The following RSU1 variants were observed in gnomAD, a reference collection of about 807,000 sequenced individuals.
RSU1 encodes the protein rsu-1.
A neutral mutation model predicts 31.1 loss-of-function variants in RSU1; 26 were observed. The ratio of observed to expected loss-of-function variants is 0.84; its 90% CI spans 0.61 to 1.16. The LOEUF is 1.16. Ranked by LOEUF, RSU1 falls within the 50% of genes most tolerant of loss-of-function variation. The pLI is 0.00. For missense variants in RSU1, 320 were observed against 339.1 expected (o/e 0.94, Z 0.44); for synonymous variants, 164 against 136.3 (o/e 1.20, Z -1.41).
At chr10:16,710,654 CATTT>C (rs936747852) in intron 7 of RSU1, among the ~76,000 whole-genome samples, 1 of 151,854 alleles carries the variant, frequency 6.6e-6, no homozygotes, top group Non-Finnish European at 1.5e-5. Context: ...TTTGATGAAA[CATTT>C]TTTTTAAATT....
chr10:16,785,449 T>TATATAC (rs1564357294), intron 2 of RSU1, among the ~76,000 whole-genome samples: 1 of 139,458 alleles, frequency 7.2e-6, no homozygotes, highest in East Asian at 2.1e-4. Flanking sequence ...TACACATATA[T>TATATAC]ACATATATAC....
At chr10:16,772,641 G>GAAAAAAAAAAAA (rs60460081) in intron 3 of RSU1, among the ~76,000 whole-genome samples, 44 of 64,660 alleles carry the variant, frequency 6.8e-4, no homozygotes, top group African/African-American at 9.4e-4. Context: ...AGTAGAATAT[G>GAAAAAAAAAAAA]AAAAAAAAAA....
At chr10:16,640,198 T>C (rs568434509) in intron 8 of RSU1, among the ~76,000 whole-genome samples, 4 of 152,230 alleles carry the variant, frequency 2.6e-5, no homozygotes, top group South Asian at 2.1e-4. Flanking sequence ...TCATTTAGAA[T>C]TGCATTTTTA....
chr10:16,678,315 T>C (rs760134395), intron 8 of RSU1, among the ~76,000 whole-genome samples: 2 of 152,236 alleles, frequency 1.3e-5, no homozygotes, highest in Non-Finnish European at 2.9e-5. Flanking sequence ...TAGGAAAGCC[T>C]AATGTTATCT....
At chr10:16,665,807 C>A (rs7089697) in intron 8 of RSU1, among the ~76,000 whole-genome samples, 1 of 151,964 alleles carries the variant, frequency 6.6e-6, no homozygotes, top group South Asian at 2.1e-4. Context: ...AAAATTTAGA[C>A]AAATTTCTAT....
chr10:16,679,752 C>G (rs921176423), intron 8 of RSU1, among the ~76,000 whole-genome samples: 11 of 152,180 alleles, frequency 7.2e-5, no homozygotes, highest in Admixed American at 4.6e-4. Flanking sequence ...CAGCTCAGCT[C>G]CCACGTGGCC....
chr10:16,595,906 G>T (rs756295693), intron 8 of RSU1, among the ~76,000 whole-genome samples: 1 of 151,868 alleles, frequency 6.6e-6, no homozygotes, highest in Non-Finnish European at 1.5e-5. Context: ...GAGGCAGAGG[G>T]TGCAGTGAGC....
intron 8 of RSU1, among the ~76,000 whole-genome samples, chr10:16,627,876 A>G (rs1248676080): frequency 6.6e-6 from 1 of 151,954 alleles, no homozygotes; most frequent in African/African-American, 2.4e-5. Context: ...CATTAATATT[A>G]TCAGTAGCCA....
At chr10:16,733,742 A>G (rs1360136465) in intron 7 of RSU1, among the ~76,000 whole-genome samples, 1 of 152,218 alleles carries the variant, frequency 6.6e-6, no homozygotes, top group Non-Finnish European at 1.5e-5. Flanking sequence ...CAGAAATTCT[A>G]GAGTATCTAT....
chr10:16,679,293 A>C (rs533222837), intron 8 of RSU1, among the ~76,000 whole-genome samples: 2 of 152,332 alleles, frequency 1.3e-5, no homozygotes, highest in African/African-American at 4.8e-5. Flanking sequence ...AAAAGACTTC[A>C]GTCTCTTACA....
intron 2 of RSU1, among the ~76,000 whole-genome samples, chr10:16,802,111 A>G (rs1458036223): frequency 1.3e-5 from 2 of 151,970 alleles, no homozygotes; most frequent in Non-Finnish European, 2.9e-5. Context: ...TAAAAGGGGA[A>G]ATAATAGAGA....
chr10:16,756,791 G>A (rs150493108), intron 4 of RSU1, among the ~76,000 whole-genome samples: 5 of 152,030 alleles, frequency 3.3e-5, no homozygotes, highest in Non-Finnish European at 7.4e-5. Flanking sequence ...GTTGCTCAAG[G>A]GTCAATTGTG....
intron 2 of RSU1, among the ~76,000 whole-genome samples, chr10:16,784,626 T>C (rs571976900): frequency 2.8e-4 from 43 of 152,288 alleles, no homozygotes; most frequent in South Asian, 6.2e-4. Context: ...GGACTCACAG[T>C]TCCATATGGC....
intron 2 of RSU1, among the ~76,000 whole-genome samples, chr10:16,815,293 C>T (rs1232975634): frequency 3.9e-5 from 6 of 152,216 alleles, no homozygotes; most frequent in Non-Finnish European, 4.4e-5. Context: ...ATAAAGCCTA[C>T]GAAACGCAAA....
At chr10:16,654,923 G>A (rs1834750824) in intron 8 of RSU1, among the ~76,000 whole-genome samples, 1 of 151,758 alleles carries the variant, frequency 6.6e-6, no homozygotes, top group African/African-American at 2.4e-5. Flanking sequence ...AAACAGGTGG[G>A]TGTGGTGGCA....
chr10:16,660,006 G>A (rs922764128), intron 8 of RSU1, among the ~76,000 whole-genome samples: 2 of 152,160 alleles, frequency 1.3e-5, no homozygotes, highest in Admixed American at 6.5e-5. Flanking sequence ...TATTTTGTGA[G>A]CAGAGGCCCT....
intron 8 of RSU1, among the ~76,000 whole-genome samples, chr10:16,628,100 G>C (rs1427136106): frequency 1.3e-5 from 2 of 152,134 alleles, no homozygotes; most frequent in African/African-American, 4.8e-5. Context: ...TACTTCATTA[G>C]CCTGTCTATT....
intron 7 of RSU1, among the ~76,000 whole-genome samples, chr10:16,717,051 C>T (rs937272609): frequency 2.0e-5 from 3 of 152,036 alleles, no homozygotes; most frequent in East Asian, 1.9e-4. Context: ...AAGTATGAAA[C>T]GAAATTAACT....
chr10:16,798,128 C>T (rs879678664), intron 2 of RSU1, among the ~76,000 whole-genome samples: 2 of 151,932 alleles, frequency 1.3e-5, no homozygotes, highest in African/African-American at 2.4e-5. Flanking sequence ...TCCCAAAGTG[C>T]TGGGATTATA....
Sources: gnomAD v4.1 joint callset for allele counts (sites outside exome capture counted in the v4.1 genomes callset) on GRCh38, gnomAD v4.1.1 for gene constraint, MANE v1.5 for transcripts, NCBI Gene and HGNC (gene_info 2026-07-23, HGNC 2026-07-21) for gene names.